Variants in DCUN1D2 observed in about 807,000 individuals in gnomAD.
DCUN1D2 encodes DCN1-like protein 2.
DCUN1D2 carries 29 observed loss-of-function variants against 30.9 expected under a neutral mutation model. The ratio of observed to expected loss-of-function variants is 0.94; its 90% CI spans 0.70 to 1.28. The LOEUF is 1.28. DCUN1D2 is among the 50% of genes most tolerant of loss of function. The probability of loss-of-function intolerance (pLI) is 0.00; values close to 1 mark genes in which losing one functional copy is unlikely to be tolerated. For synonymous variants in DCUN1D2, 121 were observed against 115.3 expected (o/e 1.05, Z -0.32); for missense variants, 325 against 316.9 (o/e 1.03, Z -0.19).
upstream of DCUN1D2, chr13:113,491,365 G>A (rs1475629098): frequency 1.3e-5 from 2 of 149,814 alleles, no homozygotes; most frequent in African/African-American, 5.0e-5. Flanking sequence ...CTCCCTCCCC[G>A]GGGCTCACCT....
chr13:113,490,791 G>C (rs912003029), upstream of DCUN1D2: 5 of 946,082 alleles, frequency 5.3e-6, no homozygotes, highest in South Asian at 1.0e-4. This position sits in a 1 kb window ranked among gnomAD's most constrained non-coding sequence, Gnocchi z 5.2. Context: ...AGCCGGCCGC[G>C]GGGACTCCCA....
chr13:113,462,167 A>C (rs185892488), intron 4 of DCUN1D2, among the ~76,000 whole-genome samples: 645 of 151,798 alleles, frequency 4.2e-3, no homozygotes, highest in Non-Finnish European at 6.8e-3. Flanking sequence ...CAGGAGAATC[A>C]CTTGAACCTG....
chr13:113,473,162 C>T (rs2139709895), intron 4 of DCUN1D2, among the ~76,000 whole-genome samples: 1 of 151,284 alleles, frequency 6.6e-6, no homozygotes, highest in South Asian at 2.1e-4. Context: ...GTCCCTCTGT[C>T]CCCCGTCTCT....
chr13:113,480,011 C>A (rs2044680363), intron 3 of DCUN1D2, among the ~76,000 whole-genome samples: 1 of 152,116 alleles, frequency 6.6e-6, no homozygotes, highest in Non-Finnish European at 1.5e-5. Flanking sequence ...CCACTGTTGA[C>A]CGAAATGTCA....
intron 4 of DCUN1D2, among the ~76,000 whole-genome samples, chr13:113,473,906 G>A (rs2044566509): frequency 6.6e-6 from 1 of 152,236 alleles, no homozygotes; most frequent in African/African-American, 2.4e-5. Flanking sequence ...TTGGGAGGCT[G>A]AGGTGGGAGG....
chr13:113,466,059 GTAT>G (rs1310139376), intron 4 of DCUN1D2, among the ~76,000 whole-genome samples: 1 of 152,070 alleles, frequency 6.6e-6, no homozygotes, highest in Non-Finnish European at 1.5e-5. Flanking sequence ...CTAATTTTTT[GTAT>G]TTTTAGTAGA....
chr13:113,457,799 C>A lies in DCUN1D2; in HGVS notation c.*230G>T. On this transcript the variant is annotated 3_prime_UTR_variant, in exon 7 of 7. Transcript: ENST00000478244. Reference sequence around the variant, plus strand: ...ATGCAGAAATTTCCTAACGCAAAAGCTATGATGACAAATCTCCAAACATCC... The same window carrying A: ...ATGCAGAAATTTCCTAACGCAAAAGATATGATGACAAATCTCCAAACATCC... 1.9e-6 allele frequency: 1 copy of A among 514,006 alleles called. No homozygotes were observed. The allele number at this position is 514,006 out of a possible 1,614,324, so 31.8% of individuals were successfully genotyped here.
At chr13:113,480,809 T>A (rs1225387418) in intron 2 of DCUN1D2, 66 bp from the exon 3 acceptor site, 1 of 1,554,932 alleles carries the variant, frequency 6.4e-7, no homozygotes, top group Non-Finnish European at 8.8e-7. Context: ...AATAGGAGGT[T>A]TGAATCCTAG....
At chr13:113,458,965 G>A (rs183037796) in intron 6 of DCUN1D2, among the ~76,000 whole-genome samples, 8 of 152,322 alleles carry the variant, frequency 5.3e-5, no homozygotes, top group Non-Finnish European at 8.8e-5. Flanking sequence ...TGGAATCTCC[G>A]AGTCAGCCTG....
At position 113,490,522 on chromosome 13, in the gene DCUN1D2, G is replaced by T; in HGVS notation, c.3+145C>A. On this transcript the variant is annotated intron_variant, in intron 1 of 6. Transcript: ENST00000478244. This position sits in a 1 kb window ranked among gnomAD's most constrained non-coding sequence, Gnocchi z 5.2. Reference sequence around the variant, plus strand: ...CACCGCTCCGGCTCGCGGGCCCGCGGCGCGTTCCTCCCTCGGATCCACGCG... The same window carrying T: ...CACCGCTCCGGCTCGCGGGCCCGCGTCGCGTTCCTCCCTCGGATCCACGCG... The T allele has an allele frequency of 2.3e-6, 2 of 885,826 alleles. No homozygotes were observed. Among genetic ancestry groups the T allele is most frequent in the Non-Finnish European group, 3.0e-6 (2 of 672,208 alleles). 54.9% of individuals were successfully genotyped at this position (885,826 alleles called of 1,614,324 possible). A position where few individuals can be genotyped will look rare whatever the true frequency, so the allele number is the denominator to read the frequency against.
In DCUN1D2 at chr13:113,472,768, C is replaced by T. The variant is rs186741638; in HGVS notation, c.520+1356G>A. On this transcript the variant is annotated intron_variant, in intron 4 of 6. Transcript: ENST00000478244. Reference sequence around the variant, plus strand: ...TGCTGGTGTCCCTAGGTGCCGCATGCGGCAGGCTCCTGAGCCAAGACGCAG... The same window carrying T: ...TGCTGGTGTCCCTAGGTGCCGCATGTGGCAGGCTCCTGAGCCAAGACGCAG... Among the ~76,000 whole-genome samples, 29 of 152,312 alleles carry T rather than the reference C, an allele frequency of 1.9e-4. No homozygotes were observed. The East Asian group carries it at 4.6e-3, about 24-fold the overall frequency.
At chr13:113,469,144 G>GCGCA (rs2044460483) in intron 4 of DCUN1D2, among the ~76,000 whole-genome samples, 1 of 148,156 alleles carries the variant, frequency 6.7e-6, no homozygotes, top group South Asian at 2.2e-4. Flanking sequence ...CTACACGCCT[G>GCGCA]CACACACACA....
intron 1 of DCUN1D2, among the ~76,000 whole-genome samples, chr13:113,484,930 T>A (rs1174682704): frequency 6.6e-6 from 1 of 151,932 alleles, no homozygotes; most frequent in Non-Finnish European, 1.5e-5. Context: ...ATACAAAAAT[T>A]AGCTGGGTGT....
chr13:113,490,513 G>C lies in DCUN1D2; in HGVS notation c.3+154C>G. On this transcript the variant is annotated intron_variant, in intron 1 of 6. Transcript: ENST00000478244. The surrounding 1 kb of genome is among the most constrained non-coding windows in gnomAD (Gnocchi z 5.2). ...CTCCGACGCCACCGCTCCGGCTCGC[G>C]GGCCCGCGGCGCGTTCCTCCCTCGG... 2.4e-6 allele frequency: 2 copies of C among 826,708 alleles called. No homozygotes were observed. Among genetic ancestry groups the C allele is most frequent in the Non-Finnish European group, 1.6e-6 (1 of 620,264 alleles). The allele number at this position is 826,708 out of a possible 1,614,324, so 51.2% of individuals were successfully genotyped here.
rs2044310248 is a variant in DCUN1D2 at position 113,461,044 on chromosome 13, G to A, written c.603+10C>T. Reference sequence around the variant, plus strand: ...AGTGGGCACACAGCGAGATGCAGGAGGACACTTACCATTAAGAATGTGTTC... The same window carrying A: ...AGTGGGCACACAGCGAGATGCAGGAAGACACTTACCATTAAGAATGTGTTC... On this transcript the variant is annotated intron_variant, in intron 5 of 6. Coordinates refer to ENST00000478244, the MANE Select transcript of DCUN1D2 (RefSeq NM_001014283.2). The A allele has an allele frequency of 6.3e-7, 1 of 1,581,648 alleles. No homozygotes were observed. Among genetic ancestry groups the A allele is most frequent in the African/African-American group, 1.3e-5 (1 of 74,090 alleles).
At chr13:113,472,873 C>T (rs118017348) in intron 4 of DCUN1D2, among the ~76,000 whole-genome samples, 2,314 of 152,300 alleles carry the variant, frequency 0.015, 46 homozygotes, top group Non-Finnish European at 0.021. Context: ...TACTGTAATT[C>T]AGTAACCAGT....
chr13:113,471,494 T>C (rs1374186527), intron 4 of DCUN1D2, among the ~76,000 whole-genome samples: 1 of 152,166 alleles, frequency 6.6e-6, no homozygotes, highest in African/African-American at 2.4e-5. Context: ...TTCAAGAACA[T>C]TCTCCCTGAA....
Position 113,455,918 on chromosome 13 carries a change from A to C in DCUN1D2, c.*2111T>G, listed in dbSNP as rs1162462308. 3.5e-6 allele frequency: 1 copy of C among 286,604 alleles called. No individual in the cohort carries two copies. Among genetic ancestry groups the C allele is most frequent in the Non-Finnish European group, 6.4e-6 (1 of 157,026 alleles). The allele number at this position is 286,604 out of a possible 1,614,324, so 17.8% of individuals were successfully genotyped here. The stretch of plus-strand genomic sequence containing the variant: ...GAAAAAAACCCACAATTTTTGGAAA[A>C]GCCTTTGTCCAATGATTAATATTTT... On this transcript the variant is annotated 3_prime_UTR_variant, in exon 7 of 7. Coordinates refer to ENST00000478244, the MANE Select transcript of DCUN1D2 (RefSeq NM_001014283.2).
At chr13:113,478,703 A>AG (rs773352218) in intron 3 of DCUN1D2, among the ~76,000 whole-genome samples, 1 of 152,072 alleles carries the variant, frequency 6.6e-6, no homozygotes, top group African/African-American at 2.4e-5. Context: ...TCTCATCCCA[A>AG]GGGTTACTTA....
Sources: allele counts gnomAD v4.1 joint callset (sites outside exome capture counted in the v4.1 genomes callset), GRCh38; gene constraint gnomAD v4.1.1; non-coding constraint Gnocchi (gnomAD v3.1); transcripts MANE v1.5; gene names NCBI Gene and HGNC (gene_info 2026-07-23, HGNC 2026-07-21).